RBFOX1: variants seen among roughly 807,000 people sequenced by gnomAD.
The protein encoded by RBFOX1 is RNA binding protein fox-1 homolog 1.
RBFOX1 carries 8 observed loss-of-function variants against 57.7 expected under a neutral mutation model. The observed-to-expected ratio is 0.14, with a 90% confidence interval of 0.08 to 0.25. The LOEUF is 0.25. Ranked by LOEUF, RBFOX1 falls within the 10% of genes least tolerant of loss-of-function variation. The probability of loss-of-function intolerance (pLI) is 1.00; values close to 1 mark genes in which losing one functional copy is unlikely to be tolerated. For missense variants in RBFOX1, 611 were observed against 548.5 expected, an observed-to-expected ratio of 1.11 and a Z score of -1.14; for synonymous variants, 326 against 222.4, an observed-to-expected ratio of 1.47 and a Z score of -4.15.
intron 4 of RBFOX1, among the ~76,000 whole-genome samples, chr16:7,132,278 G>A: frequency 6.6e-6 from 1 of 151,976 alleles, no homozygotes; most frequent in Admixed American, 6.6e-5. Flanking sequence ...ACCCTGTCCG[G>A]CCAGAGTCCA....
intron 3 of RBFOX1, among the ~76,000 whole-genome samples, chr16:5,747,355 T>A (rs949701533): frequency 1.3e-5 from 2 of 152,188 alleles, no homozygotes; most frequent in African/African-American, 4.8e-5. Context: ...CTGTTTTTGT[T>A]GTGTCTCTGC....
At chr16:7,034,058 G>A (rs2043552853) in intron 3 of RBFOX1, among the ~76,000 whole-genome samples, 1 of 152,186 alleles carries the variant, frequency 6.6e-6, no homozygotes, top group Non-Finnish European at 1.5e-5. Context: ...GGTAGGTATG[G>A]CAGGGGATGG....
chr16:6,408,281 A>G (rs1367604896), intron 2 of RBFOX1, among the ~76,000 whole-genome samples: 1 of 152,196 alleles, frequency 6.6e-6, no homozygotes, highest in African/African-American at 2.4e-5. Flanking sequence ...TGAGCTTAAT[A>G]AAAAGTTAAA....
chr16:6,114,249 ATC>A (rs2096475731), intron 1 of RBFOX1, among the ~76,000 whole-genome samples: 1 of 152,210 alleles, frequency 6.6e-6, no homozygotes, highest in African/African-American at 2.4e-5. Flanking sequence ...ATTAAGAGTG[ATC>A]TCTCATCTGA....
At chr16:6,842,899 C>G (rs2093562246) in intron 3 of RBFOX1, among the ~76,000 whole-genome samples, 1 of 152,042 alleles carries the variant, frequency 6.6e-6, no homozygotes, top group East Asian at 1.9e-4. Flanking sequence ...TCAACTCCGA[C>G]TTATGAGTGA....
intron 2 of RBFOX1, among the ~76,000 whole-genome samples, chr16:6,636,609 AT>A (rs1360428191): frequency 6.6e-6 from 1 of 151,472 alleles, no homozygotes; most frequent in Non-Finnish European, 1.5e-5. Flanking sequence ...TAAAAATTGT[AT>A]TTTTTGTGTG....
At chr16:5,622,361 C>T (rs936175598) in intron 3 of RBFOX1, among the ~76,000 whole-genome samples, 19 of 152,182 alleles carry the variant, frequency 1.2e-4, no homozygotes, top group African/African-American at 4.1e-4. Context: ...GTCTTTTCCA[C>T]CAGAATGTAG....
Position 5,956,949 on chromosome 16 carries a change from C to A in RBFOX1, c.351+89614C>A, listed in dbSNP as rs372719757. Among the ~76,000 whole-genome samples the A allele has an allele frequency of 2.6e-4, 40 of 151,824 alleles. No individual in the cohort carries two copies. In the South Asian group the frequency reaches 3.3e-3, roughly 13 times the overall value. On this transcript the variant is annotated intron_variant, in intron 4 of 19. Transcript: ENST00000641259. Reference sequence around the variant, plus strand: ...ATCCCAAAGTGCTAGGGATTACATGCCTGAGCCACTGCGCCCAGCCTGCAA... The same window carrying A: ...ATCCCAAAGTGCTAGGGATTACATGACTGAGCCACTGCGCCCAGCCTGCAA...
At chr16:6,213,906 C>T (rs62016046) in intron 1 of RBFOX1, among the ~76,000 whole-genome samples, 5,767 of 152,222 alleles carry the variant, frequency 0.038, 157 homozygotes, top group Middle Eastern at 0.18. Context: ...GGATGCTTAG[C>T]AGCATCCCAG....
chr16:7,489,544 G>C (rs2066371539), intron 4 of RBFOX1, among the ~76,000 whole-genome samples: 1 of 151,662 alleles, frequency 6.6e-6, no homozygotes, highest in African/African-American at 2.4e-5. Flanking sequence ...GTCTTGCTCT[G>C]TCACTCTGCT....
intron 1 of RBFOX1, among the ~76,000 whole-genome samples, chr16:6,283,634 C>G (rs545987883): frequency 5.3e-5 from 8 of 152,172 alleles, no homozygotes; most frequent in Non-Finnish European, 1.2e-4. Context: ...AGATATTGCA[C>G]CAGTTCATCC....
At chr16:5,574,680 C>T (rs1485876726) in intron 2 of RBFOX1, among the ~76,000 whole-genome samples, 1 of 152,170 alleles carries the variant, frequency 6.6e-6, no homozygotes, top group African/African-American at 2.4e-5. Flanking sequence ...ATCCGCCCAC[C>T]TCGGCCTCCC....
intron 3 of RBFOX1, among the ~76,000 whole-genome samples, chr16:6,730,172 C>T (rs529758630): frequency 6.6e-6 from 1 of 152,182 alleles, no homozygotes; most frequent in South Asian, 2.1e-4. Context: ...AATTATAACT[C>T]TTTACCCATA....
intron 4 of RBFOX1, among the ~76,000 whole-genome samples, chr16:7,108,472 G>T (rs1447940726): frequency 1.3e-5 from 2 of 152,050 alleles, no homozygotes; most frequent in Non-Finnish European, 1.5e-5. Context: ...TCATTGATCT[G>T]GTAAACATTT....
At chr16:6,824,105 G>C (rs985153680) in intron 3 of RBFOX1, among the ~76,000 whole-genome samples, 3 of 152,208 alleles carry the variant, frequency 2.0e-5, no homozygotes, top group Non-Finnish European at 4.4e-5. Context: ...GGAGTTTCCA[G>C]AATGTAAATA....
chr16:6,840,146 A>G (rs950636081), intron 3 of RBFOX1, among the ~76,000 whole-genome samples: 1 of 152,190 alleles, frequency 6.6e-6, no homozygotes, highest in East Asian at 1.9e-4. Context: ...TCATGGAGAT[A>G]ATCAGGCACC....
At chr16:6,088,641 C>T (rs2096124445) in intron 1 of RBFOX1, among the ~76,000 whole-genome samples, 1 of 152,122 alleles carries the variant, frequency 6.6e-6, no homozygotes, top group African/African-American at 2.4e-5. Flanking sequence ...TGCTTTCCTT[C>T]TGAGCACTCA....
intron 10 of RBFOX1, among the ~76,000 whole-genome samples, chr16:7,620,467 CTA>C (rs1481238030): frequency 6.6e-6 from 1 of 152,234 alleles, no homozygotes; most frequent in African/African-American, 2.4e-5. Context: ...TTTGCCTCCT[CTA>C]TGTCTTATTT....
intron 1 of RBFOX1, among the ~76,000 whole-genome samples, chr16:6,224,395 T>C (rs1344163830): frequency 6.6e-6 from 1 of 152,166 alleles, no homozygotes; most frequent in Non-Finnish European, 1.5e-5. Flanking sequence ...TGGTTTGTAG[T>C]TCTCCTTGAA....
Sources: gnomAD v4.1 joint callset for allele counts (sites outside exome capture counted in the v4.1 genomes callset) on GRCh38, gnomAD v4.1.1 for gene constraint, MANE v1.5 for transcripts, NCBI Gene and HGNC (gene_info 2026-07-23, HGNC 2026-07-21) for gene names.